The following MYPN variants were observed in gnomAD, a reference collection of about 807,000 sequenced individuals.
The protein encoded by MYPN is myopalladin.
In MYPN, 63 loss-of-function variants were observed where a neutral mutation model predicts 129.4. That is an observed-to-expected ratio of 0.49 (90% CI 0.40 to 0.60). The LOEUF (loss-of-function observed/expected upper bound fraction) is 0.60, where lower values mean the gene tolerates loss of function less well. Ranked by LOEUF, MYPN falls within the 20% of genes least tolerant of loss-of-function variation. The pLI is 0.00. For missense variants in MYPN, 1,596 were observed against 1,635.4 expected (o/e 0.98, Z 0.42); for synonymous variants, 629 against 600.9 (o/e 1.05, Z -0.68).
intron 17 of MYPN, 136 bp from the exon 18 acceptor site, chr10:68,201,693 G>C (rs2043714317): frequency 1.1e-6 from 1 of 928,036 alleles, no homozygotes; most frequent in Admixed American, 2.3e-5. Context: ...ACCTGAACCT[G>C]GCAGGGGAGG....
chr10:68,136,196 T>C (rs2042484568), intron 2 of MYPN: 4 of 985,942 alleles, frequency 4.1e-6, no homozygotes, highest in Non-Finnish European at 4.8e-6. Context: ...AGTGTCTTCC[T>C]TCTTTCTTCC....
chr10:68,175,400 A>T lies in MYPN; in HGVS notation c.2642A>T (p.Asn881Ile), dbSNP rs71584493. ...VNDDNIRETK[N>I]AVIRDLGKKI... ...GATGATAACATTCGTGAAACTAAGA[A>T]CGCAGTGATTCGAGACTTGGGGAAA... is the stretch of plus-strand genomic sequence containing the variant. Residue 881 changes from asparagine (N) to isoleucine (I), a missense_variant, in exon 12 of 20, where the codon AAC becomes ATC. Coordinates refer to ENST00000358913, the MANE Select transcript of MYPN (RefSeq NM_032578.4). The T allele has an allele frequency of 1.1e-4, 177 of 1,614,066 alleles. No homozygotes were observed. Among genetic ancestry groups the T allele is most frequent in the Non-Finnish European group, 1.4e-4 (167 of 1,180,016 alleles).
In MYPN at chr10:68,155,743, A is replaced by G. The variant is rs561972043; in HGVS notation, c.1318-2743A>G. Among the ~76,000 whole-genome samples, 5 of 152,292 alleles carry G rather than the reference A, an allele frequency of 3.3e-5. No homozygotes were observed. The South Asian group carries it at 6.3e-4, about 19-fold the overall frequency. On this transcript the variant is annotated intron_variant, in intron 6 of 19. Coordinates refer to ENST00000358913, the MANE Select transcript of MYPN (RefSeq NM_032578.4). ...GAAACTTTGTAGAAAAGCAGCTTTC[A>G]GCAATAACAACCATCCTCATCCTTA...
chr10:68,207,726 G>A (rs1033246314), intron 19 of MYPN, among the ~76,000 whole-genome samples: 6 of 151,982 alleles, frequency 3.9e-5, no homozygotes, highest in African/African-American at 1.5e-4. Context: ...TCCAAAGGCG[G>A]GATTCAAAGT....
chr10:68,127,319 CTTTTTTTTTTTTT>C (rs71470508), intron 2 of MYPN, among the ~76,000 whole-genome samples: 1 of 72,540 alleles, frequency 1.4e-5, no homozygotes, highest in Non-Finnish European at 2.4e-5. Context: ...ACACATATAT[CTTTTTTTTTTTTT>C]TTTTTTTTTT....
intron 10 of MYPN, among the ~76,000 whole-genome samples, chr10:68,168,530 G>T (rs912546198): frequency 1.3e-5 from 2 of 152,190 alleles, no homozygotes; most frequent in Non-Finnish European, 2.9e-5. Flanking sequence ...AAGGCAGTCA[G>T]GTTGCGGTTT....
At chr10:68,188,078 G>A (rs1363589610) in intron 12 of MYPN, among the ~76,000 whole-genome samples, 1 of 152,120 alleles carries the variant, frequency 6.6e-6, no homozygotes, top group Admixed American at 6.6e-5. Context: ...TGCAGTGAAA[G>A]CAGACATGGG....
intron 8 of MYPN, chr10:68,161,968 G>C (rs1334996025): frequency 1.4e-5 from 6 of 423,472 alleles, no homozygotes; most frequent in East Asian, 8.2e-5. Flanking sequence ...TTCAAGACCA[G>C]CCTGGCCTAC....
intron 2 of MYPN, among the ~76,000 whole-genome samples, chr10:68,128,088 T>G (rs1371194426): frequency 6.6e-6 from 1 of 152,214 alleles, no homozygotes; most frequent in Non-Finnish European, 1.5e-5. Flanking sequence ...TCACTGAAGC[T>G]AGTGTGTTTT....
chr10:68,202,471 G>T (rs986465225), intron 18 of MYPN, among the ~76,000 whole-genome samples: 6 of 147,524 alleles, frequency 4.1e-5, no homozygotes, highest in Non-Finnish European at 7.6e-5. Context: ...ATTTATGGAA[G>T]ATTTTGCAAA....
chr10:68,207,014 T>C, intron 19 of MYPN, 111 bp downstream of exon 19: 3 of 1,380,928 alleles, frequency 2.2e-6, no homozygotes, highest in African/African-American at 1.4e-5. Flanking sequence ...TCCCAGCACT[T>C]TGGGAGGCCG....
chr10:68,152,887 A>T (rs776931283), intron 6 of MYPN, among the ~76,000 whole-genome samples: 1 of 152,112 alleles, frequency 6.6e-6, no homozygotes, highest in Non-Finnish European at 1.5e-5. Flanking sequence ...CGCTCACCTC[A>T]GCTTCCCAAA....
At position 68,152,627 on chromosome 10, in the gene MYPN, T is replaced by C. The variant is rs527489912; in HGVS notation, c.1317+2516T>C. ...AAGTCCAATAGGACTTTAACATTTA[T>C]TTATTTGTTTGCTTGTTTGTTTTTT... On this transcript the variant is annotated intron_variant, in intron 6 of 19. Coordinates refer to ENST00000358913, the MANE Select transcript of MYPN (RefSeq NM_032578.4). Among the ~76,000 whole-genome samples the C allele has an allele frequency of 2.6e-5, 4 of 152,308 alleles. No homozygotes were observed. The South Asian group carries it at 8.3e-4, about 32-fold the overall frequency.
rs538108185 is a variant in MYPN at position 68,163,724 on chromosome 10, C to T, written c.1483+1972C>T. On this transcript the variant is annotated intron_variant, in intron 8 of 19. Transcript: ENST00000358913. ...TTAAACAGTCTTATGATCCTAATGTCAGAAATCCTATCTATAGGAACAAGG... is the reference window on the plus strand; with the variant it reads ...TTAAACAGTCTTATGATCCTAATGTTAGAAATCCTATCTATAGGAACAAGG... Among the ~76,000 whole-genome samples the T allele has an allele frequency of 4.6e-5, 7 of 152,240 alleles. No individual in the cohort carries two copies. In the East Asian group the frequency reaches 1.3e-3, roughly 29 times the overall value.
At chr10:68,204,758 T>C (rs1049048343) in intron 18 of MYPN, among the ~76,000 whole-genome samples, 29 of 146,150 alleles carry the variant, frequency 2.0e-4, no homozygotes, top group African/African-American at 7.3e-4. Flanking sequence ...GAATACAAAC[T>C]GATTATATCA....
intron 13 of MYPN, among the ~76,000 whole-genome samples, chr10:68,191,473 C>T (rs2043512160): frequency 6.6e-6 from 1 of 152,184 alleles, no homozygotes; most frequent in African/African-American, 2.4e-5. Flanking sequence ...TCACCTTGGC[C>T]TCCCAAACTG....
At chr10:68,133,123 T>G (rs1009372088) in intron 2 of MYPN, among the ~76,000 whole-genome samples, 2 of 151,340 alleles carry the variant, frequency 1.3e-5, no homozygotes, top group Non-Finnish European at 2.9e-5. Flanking sequence ...CCTTCTTGGT[T>G]CAAGCAATTC....
intron 17 of MYPN, among the ~76,000 whole-genome samples, chr10:68,200,381 T>C (rs1335399178): frequency 2.0e-5 from 3 of 152,222 alleles, no homozygotes; most frequent in Non-Finnish European, 2.9e-5. Context: ...CATTGTCATC[T>C]GGGAGGTGCC....
chr10:68,129,004 C>T (rs79869580), intron 2 of MYPN, among the ~76,000 whole-genome samples: 8 of 147,464 alleles, frequency 5.4e-5, no homozygotes, highest in East Asian at 2.0e-4. Context: ...CTCTCTCTCT[C>T]TTTTTTTTTT....
Sources: gnomAD v4.1 joint callset for allele counts (sites outside exome capture counted in the v4.1 genomes callset) on GRCh38, gnomAD v4.1.1 for gene constraint, MANE v1.5 for transcripts, NCBI Gene and HGNC (gene_info 2026-07-23, HGNC 2026-07-21) for gene names.